The following ZBTB25 variants were observed in gnomAD, a reference collection of about 807,000 sequenced individuals.
ZBTB25 encodes zinc finger and BTB domain-containing protein 25.
In ZBTB25, 20 loss-of-function variants were observed where a neutral mutation model predicts 34.2. That is an observed-to-expected ratio of 0.58 (90% CI 0.41 to 0.85). ZBTB25 has a LOEUF of 0.85. Among genes scored for constraint, ZBTB25 ranks in the 40% least tolerant of loss-of-function variants. The pLI, the probability that ZBTB25 is intolerant of heterozygous loss-of-function variation, is 0.00. For synonymous variants in ZBTB25, 175 were observed against 186.4 expected (o/e 0.94, Z 0.50); for missense variants, 437 against 521.8 (o/e 0.84, Z 1.58).
At chr14:64,502,857 C>T (rs1412865455) in intron 1 of ZBTB25, 30 of 982,656 alleles carry the variant, frequency 3.1e-5, no homozygotes, top group African/African-American at 3.5e-5. Context: ...TATAAGGCAC[C>T]TCTCGGCTCT....
intron 1 of ZBTB25, among the ~76,000 whole-genome samples, chr14:64,502,041 C>G (rs1163719881): frequency 6.6e-6 from 1 of 152,184 alleles, no homozygotes; most frequent in East Asian, 1.9e-4. Context: ...ACTGTATTAC[C>G]ACAGCCCAGG....
rs369467328 is a variant in ZBTB25 at position 64,487,828 on chromosome 14, T to C, written c.403A>G (p.Thr135Ala). 4 of 1,614,088 alleles carry C rather than the reference T, an allele frequency of 2.5e-6. No homozygotes were observed. The African/African-American group carries it at 4.0e-5, about 16-fold the overall frequency. Residue 135 changes from threonine (T) to alanine (A), a missense_variant, in exon 3 of 3, where the codon ACA becomes GCA. Thr to Ala is a moderately conservative substitution (Grantham distance 58, BLOSUM62 0). Transcript: ENST00000608382. ...SSNLYGIQIS[T>A]TQKTVVKQGL... ...TGTTTGACAACTGTTTTTTGGGTTG[T>C]TGAGATCTGAATGCCATATAAATTT...
In ZBTB25 at chr14:64,454,908, A is replaced by G. The variant is rs188531995; in HGVS notation, c.174-5270T>C. The G allele has an allele frequency of 3.7e-4, 591 of 1,610,914 alleles. No individual in the cohort carries two copies. In the African/African-American group the frequency reaches 6.9e-3, roughly 19 times the overall value. On this transcript the variant is annotated intron_variant, in intron 2 of 2. Coordinates refer to the ZBTB25 transcript ENST00000555220. Reference sequence around the variant, plus strand: ...CATGCTGCAAGGGAGTAGTGGGCGCATCTGCACTTCTCGTCTGAAGTGTGT... The same window carrying G: ...CATGCTGCAAGGGAGTAGTGGGCGCGTCTGCACTTCTCGTCTGAAGTGTGT...
chr14:64,469,823 A>C, intron 2 of ZBTB25: 1 of 616,248 alleles, frequency 1.6e-6, no homozygotes, highest in South Asian at 2.8e-5. Flanking sequence ...AGTGCTAAAG[A>C]TTAAGTCAAG....
intron 2 of ZBTB25, chr14:64,469,284 C>A: frequency 1.9e-6 from 3 of 1,613,258 alleles, no homozygotes; most frequent in Non-Finnish European, 2.5e-6. Flanking sequence ...TATGAAAGTA[C>A]AGAGATTGTA....
intron 2 of ZBTB25, chr14:64,460,220 G>A (rs2078537971): frequency 3.1e-6 from 1 of 325,594 alleles, no homozygotes; most frequent in African/African-American, 2.1e-5. Flanking sequence ...GGGTTGGGTT[G>A]GAAGTTGATG....
chr14:64,490,081 G>A (rs1230256820), intron 2 of ZBTB25, among the ~76,000 whole-genome samples: 2 of 149,822 alleles, frequency 1.3e-5, no homozygotes, highest in South Asian at 4.2e-4. Flanking sequence ...GGTGGCAGGC[G>A]CCTGTAATCC....
rs1164947685 is a variant in ZBTB25, at chr14:64,503,000, T to A, written c.-8+661A>T. ...CCCTTGGGGTGATGCGGGCGCTAACTGTTGAAACATGCTAGGTGCCGTCAG... is the reference window on the plus strand; with the variant it reads ...CCCTTGGGGTGATGCGGGCGCTAACAGTTGAAACATGCTAGGTGCCGTCAG... On this transcript the variant is annotated intron_variant, in intron 1 of 2. Coordinates refer to ENST00000608382, the MANE Select transcript of ZBTB25 (RefSeq NM_006977.5). 5 of 985,434 alleles carry A rather than the reference T, an allele frequency of 5.1e-6. No homozygotes were observed. The East Asian group carries it at 4.5e-4, about 89-fold the overall frequency. 61.0% of individuals were successfully genotyped at this position (985,434 alleles called of 1,614,324 possible). A position where few individuals can be genotyped will look rare whatever the true frequency, so the allele number is the denominator to read the frequency against.
Position 64,484,982 on chromosome 14 carries a change from C to G in ZBTB25, c.*1941G>C, listed in dbSNP as rs538456186. On this transcript the variant is annotated 3_prime_UTR_variant, in exon 3 of 3. Transcript: ENST00000608382. ...ACATTTGTTTTAATTACTCCCAATACAATTGATCTTATCAAGTTAGATGTG... is the reference window on the plus strand; with the variant it reads ...ACATTTGTTTTAATTACTCCCAATAGAATTGATCTTATCAAGTTAGATGTG... The G allele has an allele frequency of 1.0e-6, 1 of 984,170 alleles. No homozygotes were observed. Among genetic ancestry groups the G allele is most frequent in the East Asian group, 1.1e-4 (1 of 8,814 alleles). 61.0% of individuals were successfully genotyped at this position (984,170 alleles called of 1,614,324 possible).
upstream of ZBTB25, chr14:64,503,952 C>G (rs1200886646): frequency 6.6e-6 from 1 of 152,198 alleles, no homozygotes; most frequent in African/African-American, 2.4e-5. Flanking sequence ...GCCGCCGCCA[C>G]AGTTCGCAGT....
rs913730916 is a variant in ZBTB25, at chr14:64,496,050, T to C, written c.-7-5510A>G. 2.0e-5 allele frequency among the ~76,000 whole-genome samples: 3 copies of C among 152,192 alleles called. 1 individual carries two copies. The highest frequency in any genetic ancestry group is 3.9e-4 in the East Asian group (2 of 5,178). ...TCAACCATTACCCCCTCCCCCAACA[T>C]TGTGTTCTTTTTAAACGAAAGCAAT... On this transcript the variant is annotated intron_variant, in intron 1 of 2. Transcript: ENST00000608382.
At chr14:64,457,984 A>G in intron 2 of ZBTB25, 1 of 592,556 alleles carries the variant, frequency 1.7e-6, no homozygotes, top group South Asian at 2.0e-5. Flanking sequence ...TCAACCTCCT[A>G]GCCTCAAGCA....
Position 64,503,642 on chromosome 14 carries a change from G to A in ZBTB25, c.-8+19C>T. ...ACTGAGCCCGGGGCAGCCCACAGGGGCAGGACCGCGTCGCTTACCCAGATG... is the reference window on the plus strand; with the variant it reads ...ACTGAGCCCGGGGCAGCCCACAGGGACAGGACCGCGTCGCTTACCCAGATG... On this transcript the variant is annotated intron_variant, in intron 1 of 2. Coordinates refer to ENST00000608382, the MANE Select transcript of ZBTB25 (RefSeq NM_006977.5). 2 of 983,104 alleles carry A rather than the reference G, an allele frequency of 2.0e-6. No homozygotes were observed. The highest frequency in any genetic ancestry group is 9.4e-5 in the South Asian group (2 of 21,266). 60.9% of individuals were successfully genotyped at this position (983,104 alleles called of 1,614,324 possible).
chr14:64,502,261 T>C (rs532164803), intron 1 of ZBTB25, among the ~76,000 whole-genome samples: 1 of 152,304 alleles, frequency 6.6e-6, no homozygotes, highest in South Asian at 2.1e-4. Flanking sequence ...TGTTAGCAGG[T>C]TACGTGGGTT....
At chr14:64,470,908 A>G (rs1011320325) in intron 2 of ZBTB25, 15 of 167,028 alleles carry the variant, frequency 9.0e-5, no homozygotes, top group African/African-American at 3.6e-4. Context: ...TTCTCTCCAA[A>G]GAGGGGAGAG....
rs1286671718 is a variant in ZBTB25 at position 64,486,785 on chromosome 14, T to C, written c.*138A>G. The C allele has an allele frequency of 1.4e-6, 2 of 1,416,400 alleles. No homozygotes were observed. The highest frequency in any genetic ancestry group is 2.5e-5 in the East Asian group (1 of 39,478). The allele number at this position is 1,416,400 out of a possible 1,614,324, so 87.7% of individuals were successfully genotyped here. On this transcript the variant is annotated 3_prime_UTR_variant, in exon 3 of 3. Coordinates refer to ENST00000608382, the MANE Select transcript of ZBTB25 (RefSeq NM_006977.5). Reference sequence around the variant, plus strand: ...ATATGTCTTATGAGAAGATCTAATATATACAACCTTAAAACCATGGATAAG... The same window carrying C: ...ATATGTCTTATGAGAAGATCTAATACATACAACCTTAAAACCATGGATAAG...
chr14:64,463,651 C>T (rs1342751583), intron 2 of ZBTB25, among the ~76,000 whole-genome samples: 1 of 148,860 alleles, frequency 6.7e-6, no homozygotes, highest in East Asian at 2.0e-4. Flanking sequence ...AGAAGAAGAA[C>T]CTGGGCATGT....
At chr14:64,498,068 T>C (rs1196301342) in intron 1 of ZBTB25, among the ~76,000 whole-genome samples, 5 of 152,248 alleles carry the variant, frequency 3.3e-5, no homozygotes, top group Non-Finnish European at 7.3e-5. Flanking sequence ...AAGTGCCATA[T>C]GATAAAAGAC....
At chr14:64,493,950 C>A (rs564971546) in intron 1 of ZBTB25, among the ~76,000 whole-genome samples, 2 of 151,910 alleles carry the variant, frequency 1.3e-5, no homozygotes, top group African/African-American at 4.8e-5. Flanking sequence ...TCAGCGGGGA[C>A]AAGAAGCAGG....
Sources: gnomAD v4.1 joint callset for allele counts (sites outside exome capture counted in the v4.1 genomes callset) on GRCh38, gnomAD v4.1.1 for gene constraint, MANE v1.5 for transcripts, NCBI Gene and HGNC (gene_info 2026-07-23, HGNC 2026-07-21) for gene names.